The following MACROD2 variants were observed in gnomAD, a reference collection of about 807,000 sequenced individuals.
MACROD2 encodes the protein ADP-ribose glycohydrolase MACROD2.
Under a neutral mutation model 70.4 loss-of-function variants are expected in MACROD2, and 36 were observed. The ratio of observed to expected loss-of-function variants is 0.51; its 90% CI spans 0.39 to 0.68. The LOEUF is 0.68. MACROD2 is among the 30% of genes least tolerant of loss of function. The pLI is 0.00. For missense variants in MACROD2, 496 were observed against 538.4 expected (o/e 0.92, Z 0.78); for synonymous variants, 172 against 178.8 (o/e 0.96, Z 0.30).
intron 4 of MACROD2, among the ~76,000 whole-genome samples, chr20:14,495,478 A>G (rs2084843216): frequency 6.6e-6 from 1 of 152,298 alleles, no homozygotes; most frequent in South Asian, 2.1e-4. Context: ...CATTCCTAGC[A>G]TGTAGTCTTT....
chr20:14,180,470 G>T (rs1385327956), intron 3 of MACROD2, among the ~76,000 whole-genome samples: 1 of 152,038 alleles, frequency 6.6e-6, no homozygotes, highest in Non-Finnish European at 1.5e-5. Context: ...GTATAATAAA[G>T]AGTATAATTG....
intron 5 of MACROD2, among the ~76,000 whole-genome samples, chr20:14,983,794 G>A (rs1420066878): frequency 6.6e-6 from 1 of 152,188 alleles, no homozygotes; most frequent in East Asian, 1.9e-4. Context: ...GCCTACACTT[G>A]TGTGTTTTAA....
intron 5 of MACROD2, among the ~76,000 whole-genome samples, chr20:14,833,149 T>C (rs989767127): frequency 1.3e-5 from 2 of 152,176 alleles, no homozygotes; most frequent in African/African-American, 4.8e-5. Flanking sequence ...ATATAGCTAG[T>C]CACTGCTGGA....
intron 6 of MACROD2, among the ~76,000 whole-genome samples, chr20:15,264,118 C>T (rs1310549465): frequency 6.6e-6 from 1 of 152,118 alleles, no homozygotes; most frequent in Non-Finnish European, 1.5e-5. Flanking sequence ...CAAGTATAGG[C>T]CAAAATCTGG....
At chr20:14,952,720 T>C (rs1051787944) in intron 5 of MACROD2, among the ~76,000 whole-genome samples, 1 of 152,182 alleles carries the variant, frequency 6.6e-6, no homozygotes, top group African/African-American at 2.4e-5. Context: ...ATATTTTATA[T>C]GTATACATGC....
chr20:16,007,997 G>A (rs1339655632), intron 15 of MACROD2, among the ~76,000 whole-genome samples: 2 of 152,204 alleles, frequency 1.3e-5, no homozygotes, highest in Non-Finnish European at 2.9e-5. Context: ...CTTCCCAGCT[G>A]ATGCTGTGGC....
chr20:14,318,129 C>G (rs937669365), intron 3 of MACROD2, among the ~76,000 whole-genome samples: 5 of 152,110 alleles, frequency 3.3e-5, no homozygotes, highest in African/African-American at 1.2e-4. Flanking sequence ...TTTAATGGAA[C>G]ATTGATATGA....
intron 4 of MACROD2, among the ~76,000 whole-genome samples, chr20:14,526,541 A>C (rs896264884): frequency 6.6e-6 from 1 of 152,196 alleles, no homozygotes; most frequent in African/African-American, 2.4e-5. Context: ...TTTTTTCTTC[A>C]TAGACAGAAG....
At chr20:13,997,783 C>T (rs1297709213) in intron 1 of MACROD2, among the ~76,000 whole-genome samples, 1 of 151,978 alleles carries the variant, frequency 6.6e-6, no homozygotes, top group East Asian at 1.9e-4. Context: ...TACTGCGATA[C>T]GAAGACTTTA....
At chr20:14,573,071 T>C (rs1980321337) in intron 4 of MACROD2, among the ~76,000 whole-genome samples, 1 of 151,986 alleles carries the variant, frequency 6.6e-6, no homozygotes, top group Non-Finnish European at 1.5e-5. Context: ...TTTTCCCTTT[T>C]GCATAGTGTT....
chr20:15,824,855 C>T (rs543365636), intron 8 of MACROD2, among the ~76,000 whole-genome samples: 9 of 152,218 alleles, frequency 5.9e-5, no homozygotes, highest in South Asian at 2.1e-4. Context: ...CTGGAATAGA[C>T]GCTCATTAAT....
At chr20:15,023,190 T>C (rs772396810) in intron 5 of MACROD2, among the ~76,000 whole-genome samples, 5 of 152,074 alleles carry the variant, frequency 3.3e-5, no homozygotes, top group Non-Finnish European at 5.9e-5. Flanking sequence ...AGAAGGCAGC[T>C]CTAGAAGAAA....
chr20:14,706,981 G>A (rs1242812215), intron 5 of MACROD2, among the ~76,000 whole-genome samples: 1 of 152,108 alleles, frequency 6.6e-6, no homozygotes, highest in Non-Finnish European at 1.5e-5. Flanking sequence ...TAGATCCAAG[G>A]CAGTAATTCT....
intron 6 of MACROD2, among the ~76,000 whole-genome samples, chr20:15,285,393 CA>C (rs1419341889): frequency 6.6e-6 from 1 of 152,124 alleles, no homozygotes. Flanking sequence ...TCCTTAGAGC[CA>C]ATGCAAACTC....
rs747978143 is a variant in MACROD2, at chr20:14,911,734, G to A, written c.418+226775G>A. Among the ~76,000 whole-genome samples the A allele has an allele frequency of 8.6e-5, 13 of 151,862 alleles. 1 individual carries two copies. Among genetic ancestry groups the A allele is most frequent in the Non-Finnish European group, 1.5e-4 (10 of 67,984 alleles). On this transcript the variant is annotated intron_variant, in intron 5 of 17. Transcript: ENST00000684519. ...GATAGAGATCAGCTCAAAAGGTACT[G>A]GAAACCTTGAACATCTAGTAATACC...
intron 3 of MACROD2, among the ~76,000 whole-genome samples, chr20:14,138,109 T>C (rs1402710217): frequency 6.6e-6 from 1 of 151,992 alleles, no homozygotes; most frequent in African/African-American, 2.4e-5. Context: ...AGAAAACAAG[T>C]GTTGGTGATG....
chr20:15,890,356 T>C (rs184903508), intron 10 of MACROD2, among the ~76,000 whole-genome samples: 55 of 152,246 alleles, frequency 3.6e-4, no homozygotes, highest in East Asian at 1.4e-3. Flanking sequence ...ATTTTCAGCA[T>C]TGGAAACTCT....
At chr20:14,541,315 G>A (rs1001309326) in intron 4 of MACROD2, among the ~76,000 whole-genome samples, 1 of 152,028 alleles carries the variant, frequency 6.6e-6, no homozygotes, top group African/African-American at 2.4e-5. Flanking sequence ...TGTCTGCATG[G>A]ATCTCTCATC....
At chr20:14,360,274 C>T (rs1010768133) in intron 3 of MACROD2, among the ~76,000 whole-genome samples, 10 of 152,152 alleles carry the variant, frequency 6.6e-5, no homozygotes, top group Non-Finnish European at 2.9e-5. Flanking sequence ...TTTAATTATT[C>T]TACCCACAAT....
Sources: allele counts gnomAD v4.1 joint callset (sites outside exome capture counted in the v4.1 genomes callset), GRCh38; gene constraint gnomAD v4.1.1; transcripts MANE v1.5; gene names NCBI Gene and HGNC (gene_info 2026-07-23, HGNC 2026-07-21).